NFKB1: variants seen among roughly 807,000 people sequenced by gnomAD.
NFKB1 encodes the protein nuclear factor NF-kappa-B p105 subunit.
Under a neutral mutation model 105.1 loss-of-function variants are expected in NFKB1, and 9 were observed. The ratio of observed to expected loss-of-function variants is 0.09; its 90% CI spans 0.05 to 0.15. The LOEUF is 0.15. Among genes scored for constraint, NFKB1 ranks in the 10% least tolerant of loss-of-function variants. NFKB1 has a pLI of 1.00. For synonymous variants in NFKB1, 440 were observed against 442.2 expected, an observed-to-expected ratio of 1.00 and a Z score of 0.06; for missense variants, 830 against 1,203.7, an observed-to-expected ratio of 0.69 and a Z score of 4.59.
At chr4:102,525,976 G>T (rs571384594) in intron 2 of NFKB1, among the ~76,000 whole-genome samples, 1 of 152,236 alleles carries the variant, frequency 6.6e-6, no homozygotes, top group African/African-American at 2.4e-5. Context: ...CTAGCTTCTG[G>T]TTGGTTGCTG....
chr4:102,593,906 T>G (rs1726386221), intron 12 of NFKB1, among the ~76,000 whole-genome samples: 1 of 152,170 alleles, frequency 6.6e-6, no homozygotes, highest in Non-Finnish European at 1.5e-5. Flanking sequence ...TTGTATATTA[T>G]CATACTACAA....
chr4:102,518,158 A>T (rs1294599344), intron 1 of NFKB1, among the ~76,000 whole-genome samples: 1 of 152,218 alleles, frequency 6.6e-6, no homozygotes, highest in Non-Finnish European at 1.5e-5. Flanking sequence ...ATATATTGGC[A>T]GAAATTGCAA....
chr4:102,611,966 T>C (rs1372006722), intron 20 of NFKB1, 78 bp from the exon 21 acceptor site: 6 of 1,143,806 alleles, frequency 5.2e-6, no homozygotes, highest in Non-Finnish European at 6.5e-6. Flanking sequence ...ACATGCTGAG[T>C]TGTTTATTAT....
At chr4:102,568,190 A>G (rs1448467744) in intron 6 of NFKB1, among the ~76,000 whole-genome samples, 2 of 151,978 alleles carry the variant, frequency 1.3e-5, no homozygotes, top group Non-Finnish European at 2.9e-5. Context: ...TCATGTTCCT[A>G]GGTATTTCTT....
intron 6 of NFKB1, among the ~76,000 whole-genome samples, chr4:102,572,228 G>A (rs186480085): frequency 4.6e-5 from 7 of 151,258 alleles, no homozygotes; most frequent in South Asian, 4.2e-4. Context: ...GCAAACTATC[G>A]CAAGGACAGA....
chr4:102,576,801 G>A, intron 6 of NFKB1, 75 bp from the exon 7 acceptor site: 1 of 1,454,750 alleles, frequency 6.9e-7, no homozygotes, highest in South Asian at 1.4e-5. Flanking sequence ...ATTTACAAGT[G>A]AAGCCAGATT....
intron 5 of NFKB1, among the ~76,000 whole-genome samples, chr4:102,550,211 A>T (rs1375619618): frequency 1.3e-5 from 2 of 152,010 alleles, no homozygotes; most frequent in East Asian, 3.9e-4. Context: ...CTTTCATGCT[A>T]GCTCCTATGT....
chr4:102,575,052 T>C (rs1243566941), intron 6 of NFKB1, among the ~76,000 whole-genome samples: 8 of 152,262 alleles, frequency 5.3e-5, no homozygotes, highest in Non-Finnish European at 1.2e-4. Context: ...ATATAGGTAT[T>C]GTTTCTGAAA....
At chr4:102,593,679 G>A (rs1228249012) in intron 12 of NFKB1, 111 bp downstream of exon 12, 1 of 975,266 alleles carries the variant, frequency 1.0e-6, no homozygotes, top group East Asian at 3.0e-5. Flanking sequence ...ATATTATTGA[G>A]TATATTAATT....
At chr4:102,522,525 GGTTTTAGCTATAGTA>G (rs1220997485) in intron 1 of NFKB1, among the ~76,000 whole-genome samples, 1 of 152,134 alleles carries the variant, frequency 6.6e-6, no homozygotes, top group African/African-American at 2.4e-5. Flanking sequence ...TTTTCATTAA[GGTTTTAGCTATAGTA>G]GTGATCATGC....
intron 1 of NFKB1, among the ~76,000 whole-genome samples, chr4:102,516,481 A>G (rs1740194024): frequency 1.3e-5 from 2 of 151,814 alleles, no homozygotes; most frequent in Middle Eastern, 3.4e-3. Context: ...GGTAGTTTTT[A>G]TTGACCTTTC....
At chr4:102,502,824 C>A (rs931082574) in intron 1 of NFKB1, among the ~76,000 whole-genome samples, 1 of 152,032 alleles carries the variant, frequency 6.6e-6, no homozygotes, top group Admixed American at 6.5e-5. Flanking sequence ...TTATAAAGCT[C>A]ATAATCTGAA....
chr4:102,545,004 G>C (rs1167501080), intron 5 of NFKB1, among the ~76,000 whole-genome samples: 1 of 152,110 alleles, frequency 6.6e-6, no homozygotes, highest in Non-Finnish European at 1.5e-5. Flanking sequence ...TTTAAACCCA[G>C]TGGTCTCAGT....
intron 4 of NFKB1, among the ~76,000 whole-genome samples, chr4:102,535,397 G>A (rs769886275): frequency 6.6e-6 from 1 of 152,150 alleles, no homozygotes; most frequent in Non-Finnish European, 1.5e-5. Flanking sequence ...AAGGGTTAAT[G>A]TAGTTCCAAA....
At chr4:102,502,888 T>C (rs1368362423) in intron 1 of NFKB1, among the ~76,000 whole-genome samples, 1 of 152,210 alleles carries the variant, frequency 6.6e-6, no homozygotes, top group Non-Finnish European at 1.5e-5. Flanking sequence ...CAAAATATTC[T>C]ACATACTGGT....
chr4:102,597,095 G>A (rs776043075), intron 14 of NFKB1, among the ~76,000 whole-genome samples: 1 of 152,184 alleles, frequency 6.6e-6, no homozygotes, highest in Non-Finnish European at 1.5e-5. Context: ...GTTTATGGCA[G>A]AGATGTGTGT....
intron 7 of NFKB1, chr4:102,578,577 T>C (rs1725054425): frequency 4.5e-6 from 2 of 441,508 alleles, no homozygotes; most frequent in African/African-American, 2.0e-5. Context: ...CTGTGTGCCT[T>C]TAACTCTTAC....
intron 5 of NFKB1, among the ~76,000 whole-genome samples, chr4:102,551,736 T>C (rs868444618): frequency 6.6e-6 from 1 of 152,278 alleles, no homozygotes; most frequent in Middle Eastern, 3.4e-3. Flanking sequence ...CCAAACACTT[T>C]AATATATTTT....
chr4:102,527,770 G>T (rs548482962), intron 2 of NFKB1, among the ~76,000 whole-genome samples: 1 of 152,050 alleles, frequency 6.6e-6, no homozygotes, highest in Non-Finnish European at 1.5e-5. Context: ...ACAATTAAGG[G>T]CGAACTAACC....
Sources: gnomAD v4.1 joint callset for allele counts (sites outside exome capture counted in the v4.1 genomes callset) on GRCh38, gnomAD v4.1.1 for gene constraint, MANE v1.5 for transcripts, NCBI Gene and HGNC (gene_info 2026-07-23, HGNC 2026-07-21) for gene names.